GNG4: variants seen among roughly 807,000 people sequenced by gnomAD.
GNG4 encodes the protein G protein subunit gamma 4.
GNG4 carries 4 observed loss-of-function variants against 5.8 expected under a neutral mutation model. The ratio of observed to expected loss-of-function variants is 0.69; its 90% CI spans 0.34 to 1.57. The LOEUF is 1.57. Ranked by LOEUF, GNG4 falls within the 40% of genes most tolerant of loss-of-function variation. The pLI is 0.06. For missense variants in GNG4, 96 were observed against 95.1 expected, an observed-to-expected ratio of 1.01 and a Z score of -0.04; for synonymous variants, 29 against 32.9, an observed-to-expected ratio of 0.88 and a Z score of 0.41.
chr1:235,555,192 G>T (rs1023544038), intron 3 of GNG4, among the ~76,000 whole-genome samples: 5 of 152,110 alleles, frequency 3.3e-5, no homozygotes, highest in Non-Finnish European at 7.4e-5. Context: ...AGGAGACGGG[G>T]CATCTGACAA....
intron 2 of GNG4, among the ~76,000 whole-genome samples, chr1:235,585,171 G>A (rs1046299567): frequency 1.8e-4 from 27 of 150,708 alleles, no homozygotes; most frequent in African/African-American, 6.6e-4. Flanking sequence ...CCATCACGTT[G>A]GACTCCAGAC....
intron 1 of GNG4, among the ~76,000 whole-genome samples, chr1:235,611,538 A>G (rs1242329171): frequency 6.6e-6 from 1 of 152,142 alleles, no homozygotes; most frequent in Non-Finnish European, 1.5e-5. Context: ...AGATTTGACC[A>G]TTGGTTGGAT....
chr1:235,637,722 TAGG>T (rs923354269), intron 1 of GNG4, among the ~76,000 whole-genome samples: 3 of 149,174 alleles, frequency 2.0e-5, no homozygotes, highest in Non-Finnish European at 3.0e-5. Flanking sequence ...TGTTTGAACA[TAGG>T]AGAATTTTCG....
intron 1 of GNG4, among the ~76,000 whole-genome samples, chr1:235,601,455 T>G (rs1196891786): frequency 6.6e-6 from 1 of 152,174 alleles, no homozygotes; most frequent in African/African-American, 2.4e-5. Flanking sequence ...TGACCTGGAC[T>G]TTAGCATCTA....
chr1:235,577,102 TCCTC>T (rs568060091), intron 3 of GNG4, among the ~76,000 whole-genome samples: 2 of 152,306 alleles, frequency 1.3e-5, no homozygotes, highest in South Asian at 4.2e-4. Context: ...TTTCCTTCCT[TCCTC>T]CTTAGAAACT....
rs1312739541 is a variant in GNG4 at position 235,648,934 on chromosome 1, C to A, written c.-123+728G>T. On this transcript the variant is annotated intron_variant, in intron 1 of 3. Transcript: ENST00000391854. The surrounding 1 kb of genome is among the most constrained non-coding windows in gnomAD (Gnocchi z 5.0). ...AAATCTTAAATTAAGGAGTCTTTCC[C>A]CACCACGCTCTGTCCTCCTCCCCAC... 6.6e-6 allele frequency among the ~76,000 whole-genome samples: 1 copy of A among 152,198 alleles called. No homozygotes were observed. Among genetic ancestry groups the A allele is most frequent in the Non-Finnish European group, 1.5e-5 (1 of 68,032 alleles).
intron 3 of GNG4, among the ~76,000 whole-genome samples, chr1:235,572,494 T>C (rs1202657729): frequency 4.7e-5 from 5 of 105,390 alleles, no homozygotes; most frequent in Non-Finnish European, 8.7e-5. Flanking sequence ...GCCACCGTGC[T>C]CTTTTTTTTT....
chr1:235,615,079 C>T (rs1405806715), intron 1 of GNG4: 2 of 152,194 alleles, frequency 1.3e-5, no homozygotes, highest in South Asian at 2.1e-4. Flanking sequence ...ACCAGGAGAA[C>T]GAGAGAATGC....
At chr1:235,592,766 G>GT (rs1688004875) in intron 2 of GNG4, among the ~76,000 whole-genome samples, 1 of 152,034 alleles carries the variant, frequency 6.6e-6, no homozygotes, top group Non-Finnish European at 1.5e-5. Flanking sequence ...TTCCTGAAAT[G>GT]TACCTCCGAC....
intron 1 of GNG4, among the ~76,000 whole-genome samples, chr1:235,613,458 A>G (rs10926252): frequency 0.026 from 4,007 of 152,264 alleles, 173 homozygotes; most frequent in African/African-American, 0.092. Context: ...GCAGGTTATC[A>G]TGGATTATCC....
chr1:235,641,503 C>A (rs990582018), intron 1 of GNG4, among the ~76,000 whole-genome samples: 3 of 152,156 alleles, frequency 2.0e-5, no homozygotes, highest in African/African-American at 7.2e-5. Flanking sequence ...CCAGCCTGGC[C>A]AACATGGTGA....
intron 3 of GNG4, among the ~76,000 whole-genome samples, chr1:235,580,681 A>C (rs987637025): frequency 1.3e-5 from 2 of 148,914 alleles, no homozygotes; most frequent in African/African-American, 5.0e-5. Context: ...AGGCCCCCTG[A>C]GGAATCTTGC....
At chr1:235,641,591 T>G (rs1041072800) in intron 1 of GNG4, among the ~76,000 whole-genome samples, 1 of 152,110 alleles carries the variant, frequency 6.6e-6, no homozygotes, top group African/African-American at 2.4e-5. Context: ...CTAGGGAGGC[T>G]GAGGCAGGAG....
At chr1:235,616,923 TTTTC>T (rs1225591852) in intron 1 of GNG4, among the ~76,000 whole-genome samples, 6 of 137,334 alleles carry the variant, frequency 4.4e-5, no homozygotes, top group South Asian at 2.1e-4. Context: ...TTTTTTTTTT[TTTTC>T]AGTAGAGATG....
At chr1:235,640,394 G>C (rs1571927985) in intron 1 of GNG4, among the ~76,000 whole-genome samples, 1 of 152,310 alleles carries the variant, frequency 6.6e-6, no homozygotes, top group East Asian at 1.9e-4. Context: ...ATGTCAGAAT[G>C]TCCAGGGGAT....
chr1:235,586,925 C>T (rs2102944719), intron 2 of GNG4, among the ~76,000 whole-genome samples: 1 of 152,282 alleles, frequency 6.6e-6, no homozygotes, highest in Middle Eastern at 3.4e-3. Context: ...ACAGTGACTG[C>T]CTTCAAATCT....
At position 235,642,272 on chromosome 1, in the gene GNG4, A is replaced by G. The variant is rs1657354880; in HGVS notation, c.-123+7390T>C. ...GGGTAAGCTGCCGCGGTTACTGTGA[A>G]GCAGGGCCAAGGCCAGCCCTCCGCC... On this transcript the variant is annotated intron_variant, in intron 1 of 3. Coordinates refer to ENST00000391854, the MANE Select transcript of GNG4 (RefSeq NM_001098722.2). This position sits in a 1 kb window ranked among gnomAD's most constrained non-coding sequence, Gnocchi z 4.3. Among the ~76,000 whole-genome samples the G allele has an allele frequency of 6.6e-6, 1 of 152,210 alleles. No individual in the cohort carries two copies. Among genetic ancestry groups the G allele is most frequent in the Non-Finnish European group, 1.5e-5 (1 of 68,034 alleles).
intron 3 of GNG4, among the ~76,000 whole-genome samples, chr1:235,583,441 A>G (rs1687692384): frequency 6.6e-6 from 1 of 152,222 alleles, no homozygotes; most frequent in Non-Finnish European, 1.5e-5. Flanking sequence ...CTCATTGCTA[A>G]ACTCTCTTTC....
At chr1:235,581,102 CTG>C (rs1158731027) in intron 3 of GNG4, among the ~76,000 whole-genome samples, 2 of 152,118 alleles carry the variant, frequency 1.3e-5, no homozygotes, top group Non-Finnish European at 2.9e-5. Flanking sequence ...TGGTTTGGAT[CTG>C]TGTCTCTGCC....
Sources: allele counts gnomAD v4.1 joint callset (sites outside exome capture counted in the v4.1 genomes callset), GRCh38; gene constraint gnomAD v4.1.1; non-coding constraint Gnocchi (gnomAD v3.1); transcripts MANE v1.5; gene names NCBI Gene and HGNC (gene_info 2026-07-23, HGNC 2026-07-21).